Variants in CHERP observed in about 807,000 individuals in gnomAD.
CHERP encodes the protein calcium homeostasis endoplasmic reticulum protein.
CHERP carries 8 observed loss-of-function variants against 113.8 expected under a neutral mutation model. The ratio of observed to expected loss-of-function variants is 0.07; its 90% CI spans 0.04 to 0.13. The LOEUF is 0.13. Ranked by LOEUF, CHERP falls within the 10% of genes least tolerant of loss-of-function variation. The pLI is 1.00. For synonymous variants in CHERP, 559 were observed against 524.5 expected (o/e 1.07, Z -0.90); for missense variants, 884 against 1,298.2 (o/e 0.68, Z 4.90).
intron 9 of CHERP, chr19:16,526,083 G>A (rs2085655925): frequency 1.5e-5 from 3 of 199,030 alleles, no homozygotes; most frequent in Admixed American, 6.1e-5. Flanking sequence ...CCCATGGGGC[G>A]GGGCTCACTC....
chr19:16,521,713 A>T, intron 11 of CHERP, 59 bp from the exon 12 acceptor site: 1 of 1,469,216 alleles, frequency 6.8e-7, no homozygotes, highest in Non-Finnish European at 9.1e-7. Context: ...AGGCCCACCC[A>T]GGGTCTGCAA....
At chr19:16,533,971 G>A (rs561626453) in intron 3 of CHERP, among the ~76,000 whole-genome samples, 3 of 152,116 alleles carry the variant, frequency 2.0e-5, no homozygotes, top group East Asian at 1.9e-4. Context: ...GCGGACCAGC[G>A]GTCAGTTACG....
chr19:16,526,198 T>C (rs10416645), intron 9 of CHERP: 65,766 of 154,162 alleles, frequency 0.43, 15,649 homozygotes, highest in African/African-American at 0.65. Context: ...TTCTGGGGAC[T>C]TTCAAACCAA....
rs996145718 is a variant in CHERP, at chr19:16,532,901, G to C, written c.522+110C>G. 3 of 1,510,556 alleles carry C rather than the reference G, an allele frequency of 2.0e-6. No individual in the cohort carries two copies. The Admixed American group carries it at 6.1e-5, about 31-fold the overall frequency. 93.6% of individuals were successfully genotyped at this position (1,510,556 alleles called of 1,614,324 possible). ...CCACAGCCTCAGGAGCTCCAGGCGG[G>C]AGGGAAGGGCACCCATTGTAACAGC... On this transcript the variant is annotated intron_variant, in intron 4 of 16. Coordinates refer to ENST00000546361, the MANE Select transcript of CHERP (RefSeq NM_006387.6). The surrounding 1 kb of genome is among the most constrained non-coding windows in gnomAD (Gnocchi z 4.4).
chr19:16,521,809 ACT>A (rs984261909), intron 11 of CHERP, among the ~76,000 whole-genome samples, 155 bp from the exon 12 acceptor site: 1 of 151,646 alleles, frequency 6.6e-6, no homozygotes, highest in African/African-American at 2.4e-5. Context: ...TGGGGATCCC[ACT>A]CTCTTGTAGG....
chr19:16,520,701 A>C lies in CHERP; in HGVS notation c.2201+125T>G. 1.7e-6 allele frequency: 2 copies of C among 1,188,372 alleles called. No individual in the cohort carries two copies. Among genetic ancestry groups the C allele is most frequent in the Admixed American group, 1.8e-5 (1 of 56,034 alleles). 73.6% of individuals were successfully genotyped at this position (1,188,372 alleles called of 1,614,324 possible). A position where few individuals can be genotyped will look rare whatever the true frequency, so the allele number is the denominator to read the frequency against. ...GCTGTGTGAATTCAGGCCTTGTGGA[A>C]AACACCGCCCCATAGGCACAGGCTG... On this transcript the variant is annotated intron_variant, in intron 13 of 16. Transcript: ENST00000546361. The surrounding 1 kb of genome is among the most constrained non-coding windows in gnomAD (Gnocchi z 4.0).
Position 16,542,022 on chromosome 19 carries a change from A to C in CHERP, c.47T>G (p.Ile16Ser). 1 of 1,613,412 alleles carries C rather than the reference A, an allele frequency of 6.2e-7. No individual in the cohort carries two copies. Among genetic ancestry groups the C allele is most frequent in the Non-Finnish European group, 8.5e-7 (1 of 1,179,810 alleles). ...AGCCACGAACTGGGCGAGCTTGTCG[A>C]TGACATTTCGAAGCTCCTGGTCTGG... ...PPDDQELRNV[I>S]DKLAQFVARN... is the part of the protein sequence containing the mutation. Residue 16 changes from isoleucine (I) to serine (S), a missense_variant, in exon 2 of 17, where the codon ATC becomes AGC. By Grantham distance (142) the Ile-to-Ser change is moderately radical (BLOSUM62 -2). Coordinates refer to ENST00000546361, the MANE Select transcript of CHERP (RefSeq NM_006387.6).
At chr19:16,533,756 T>C (rs1255438398) in intron 3 of CHERP, among the ~76,000 whole-genome samples, 3 of 150,956 alleles carry the variant, frequency 2.0e-5, no homozygotes, top group Admixed American at 2.0e-4. Context: ...AGCAAGACCT[T>C]GTCTCTAACA....
chr19:16,526,787 A>G (rs1190443811), intron 9 of CHERP, among the ~76,000 whole-genome samples: 1 of 151,940 alleles, frequency 6.6e-6, no homozygotes, highest in Non-Finnish European at 1.5e-5. Context: ...TTTTAGAGAC[A>G]AGGTCTCACT....
At position 16,525,445 on chromosome 19, in the gene CHERP, G is replaced by A. The variant is rs766574757; in HGVS notation, c.1538C>T (p.Pro513Leu). 1.3e-5 allele frequency: 20 copies of A among 1,539,836 alleles called. No individual in the cohort carries two copies. Among genetic ancestry groups the A allele is most frequent in the Non-Finnish European group, 1.8e-5 (20 of 1,142,144 alleles). ...GTGTGGGGGCCGCTGCATGCGGAAG[G>A]GTGGCTCGCGCTGGCCCCCGCCCCA... ...PPWGGGQREP[P>L]FRMQRPPHFR... Residue 513 changes from proline (P) to leucine (L), a missense_variant, in exon 10 of 17, where the codon CCC becomes CTC. By Grantham distance (98) the Pro-to-Leu change is moderately conservative (BLOSUM62 -3). Transcript: ENST00000546361. The surrounding 1 kb of genome is among the most constrained non-coding windows in gnomAD (Gnocchi z 6.5).
Position 16,519,359 on chromosome 19 carries a change from A to G in CHERP, c.2558-7T>C. 1 of 1,608,472 alleles carries G rather than the reference A, an allele frequency of 6.2e-7. No homozygotes were observed. The highest frequency in any genetic ancestry group is 8.5e-7 in the Non-Finnish European group (1 of 1,178,550). On this transcript the variant is annotated splice_polypyrimidine_tract_variant and splice_region_variant and intron_variant, in intron 16 of 16. Transcript: ENST00000546361. This position sits in a 1 kb window ranked among gnomAD's most constrained non-coding sequence, Gnocchi z 6.0. ...CCGCCTGAGCCGCTCCAGCCTGGAA[A>G]CAGAGACGCAGTCACAACCACAACA...
Position 16,520,945 on chromosome 19 carries a change from T to C in CHERP, c.2115-33A>G. ...ACACGGCATTCCGTGTGTGACCACG[T>C]GACACCCACCCACAAGGAAGTCGTG... On this transcript the variant is annotated intron_variant, in intron 12 of 16. Coordinates refer to ENST00000546361, the MANE Select transcript of CHERP (RefSeq NM_006387.6). This position sits in a 1 kb window ranked among gnomAD's most constrained non-coding sequence, Gnocchi z 4.0. 6.4e-7 allele frequency: 1 copy of C among 1,574,036 alleles called. No individual in the cohort carries two copies. The highest frequency in any genetic ancestry group is 1.3e-5 in the African/African-American group (1 of 74,318).
rs1270897847 is a variant in CHERP at position 16,523,024 on chromosome 19, C to T, written c.1980+28G>A. The T allele has an allele frequency of 6.7e-7, 1 of 1,492,270 alleles. No individual in the cohort carries two copies. Among genetic ancestry groups the T allele is most frequent in the Non-Finnish European group, 8.9e-7 (1 of 1,124,352 alleles). 92.4% of individuals were successfully genotyped at this position (1,492,270 alleles called of 1,614,324 possible). ...CGGGGACCAGTATGGTAAGCGTGCT[C>T]AGCTTGGAGCCCACTGTGGGGCATT... On this transcript the variant is annotated intron_variant, in intron 11 of 16. Transcript: ENST00000546361. The surrounding 1 kb of genome is among the most constrained non-coding windows in gnomAD (Gnocchi z 4.0).
intron 12 of CHERP, 87 bp downstream of exon 12, chr19:16,521,434 T>G: frequency 7.5e-7 from 1 of 1,334,922 alleles, no homozygotes; most frequent in Non-Finnish European, 9.9e-7. Context: ...CAGCCACATT[T>G]TCTAGCCTGG....
In CHERP at chr19:16,518,378, A is replaced by C. The variant is rs7783; in HGVS notation, c.*781T>G. 2.0e-5 allele frequency: 3 copies of C among 151,756 alleles called. No homozygotes were observed. The highest frequency in any genetic ancestry group is 2.9e-5 in the Non-Finnish European group (2 of 67,986). The allele number at this position is 151,756 out of a possible 1,614,324, so 9.4% of individuals were successfully genotyped here. A position where few individuals can be genotyped will look rare whatever the true frequency, so the allele number is the denominator to read the frequency against. ...GGGCACAGACTCCGAGGCAGCGCTC[A>C]ACCTGAAGTGTCTTAGGCTGGTTTC... On this transcript the variant is annotated 3_prime_UTR_variant, in exon 17 of 17. Coordinates refer to ENST00000546361, the MANE Select transcript of CHERP (RefSeq NM_006387.6).
rs758300143 is a variant in CHERP at position 16,519,653 on chromosome 19, T to C, written c.2525A>G (p.Glu842Gly). 6.2e-7 allele frequency: 1 copy of C among 1,614,100 alleles called. No homozygotes were observed. Among genetic ancestry groups the C allele is most frequent in the Non-Finnish European group, 8.5e-7 (1 of 1,180,016 alleles). ...PPIPDSRLGE[E>G]NKGHQMLVKM... ...CACCAGCATCTGATGGCCTTTGTTCTCTTCTCCGAGCCTTGAGTCAGGGAT... is the reference window on the plus strand; with the variant it reads ...CACCAGCATCTGATGGCCTTTGTTCCCTTCTCCGAGCCTTGAGTCAGGGAT... The change falls in exon 16 of 17, where the codon GAG (glutamate) becomes GGG (glycine). Residue 842 changes from glutamate (E) to glycine (G), a missense_variant. Transcript: ENST00000546361. The surrounding 1 kb of genome is among the most constrained non-coding windows in gnomAD (Gnocchi z 6.0).
Position 16,528,152 on chromosome 19 carries a change from G to C in CHERP, c.1233C>G (p.His411Gln), listed in dbSNP as rs200951226. The C allele has an allele frequency of 8.1e-6, 13 of 1,613,644 alleles. No homozygotes were observed. The highest frequency in any genetic ancestry group is 1.1e-5 in the Non-Finnish European group (13 of 1,179,898). ...AAAGPRGPGP[H>Q]DQIPPNKPPW... ...GGGGCTTGTTTGGTGGGATCTGGTC[G>C]TGTGGCCCGGGGCCCCGGGGGCCGG... The change falls in exon 9 of 17, where the codon CAC becomes CAG. Residue 411 changes from histidine to glutamine, a missense_variant. Around this residue, in one of 8 missense-constraint regions of CHERP, gnomAD observed 464 missense variants for 590.1 expected, o/e 0.79. Coordinates refer to ENST00000546361, the MANE Select transcript of CHERP (RefSeq NM_006387.6).
chr19:16,521,063 A>G, intron 12 of CHERP, 151 bp from the exon 13 acceptor site: 4 of 694,874 alleles, frequency 5.8e-6, no homozygotes, highest in Non-Finnish European at 2.6e-6. Flanking sequence ...AGCTTGGTTC[A>G]GTGTTCCCAC....
At position 16,533,019 on chromosome 19, in the gene CHERP, C is replaced by T. The variant is rs1424872215; in HGVS notation, c.514G>A (p.Ala172Thr). ...AAGTGCTGGCCCCTCACCGAGATGG[C>T]GTCCTTGGTGCACGTGTCGATGATG... ...QPIIDTCTKD[A>T]ISAGKNWMFS... The change falls in exon 4 of 17, where the codon GCC becomes ACC. Residue 172 changes from alanine to threonine, a missense_variant. Coordinates refer to ENST00000546361, the MANE Select transcript of CHERP (RefSeq NM_006387.6). 7 of 1,566,952 alleles carry T rather than the reference C, an allele frequency of 4.5e-6. No individual in the cohort carries two copies. The highest frequency in any genetic ancestry group is 1.9e-5 in the Admixed American group (1 of 52,644).
Sources: gnomAD v4.1 joint callset for allele counts (sites outside exome capture counted in the v4.1 genomes callset) on GRCh38, gnomAD v4.1.1 for gene constraint, gnomAD v4.1.1 regional missense constraint, Gnocchi (gnomAD v3.1) non-coding constraint, MANE v1.5 for transcripts, NCBI Gene and HGNC (gene_info 2026-07-23, HGNC 2026-07-21) for gene names.